TMEM38A: variants seen among roughly 807,000 people sequenced by gnomAD.
TMEM38A encodes transmembrane protein 38A, also known as trimeric intracellular cation channel type A.
Under a neutral mutation model 28.6 loss-of-function variants are expected in TMEM38A, and 17 were observed. That is an observed-to-expected ratio of 0.60 (90% CI 0.41 to 0.89). The LOEUF is 0.89. Among genes scored for constraint, TMEM38A ranks in the 40% least tolerant of loss-of-function variants. The pLI, the probability that TMEM38A is intolerant of heterozygous loss-of-function variation, is 0.00. For synonymous variants in TMEM38A, 169 were observed against 166.1 expected (o/e 1.02, Z -0.14); for missense variants, 328 against 393.1 (o/e 0.83, Z 1.40).
chr19:16,665,396 G>C (rs1052324130), intron 1 of TMEM38A, among the ~76,000 whole-genome samples: 2 of 151,912 alleles, frequency 1.3e-5, no homozygotes, highest in Admixed American at 1.3e-4. Context: ...AGCTGAGGTC[G>C]GAGGATTACC....
intron 1 of TMEM38A, among the ~76,000 whole-genome samples, chr19:16,670,453 T>G (rs1006065011): frequency 6.6e-6 from 1 of 152,096 alleles, no homozygotes; most frequent in Non-Finnish European, 1.5e-5. Context: ...GCAGAGCTGA[T>G]TTTTAAAAAA....
In TMEM38A at chr19:16,686,318, CCT is replaced by C. The variant is rs2086801756; in HGVS notation, c.588_589del (p.Phe197HisfsTer27). On this transcript the variant is annotated frameshift_variant, in exon 5 of 6. Transcript: ENST00000187762. LOFTEE classifies it high-confidence loss of function. ...CCAAGGCCAGCCTGTATGGAGCCAT[CCT>C]CTTCACCCTCCAGCAGACCCGCTGG... ...PTKASLYGAI[L>X]FTLQQTRWLP... 1 of 1,613,094 alleles carries C rather than the reference CCT, an allele frequency of 6.2e-7. No individual in the cohort carries two copies. The highest frequency in any genetic ancestry group is 1.3e-5 in the African/African-American group (1 of 75,018).
intron 1 of TMEM38A, among the ~76,000 whole-genome samples, chr19:16,668,040 C>T (rs543319218): frequency 1.6e-4 from 25 of 152,044 alleles, no homozygotes; most frequent in Non-Finnish European, 2.9e-4. Context: ...GAAACCCTGT[C>T]TCTACTAAAA....
intron 1 of TMEM38A, 109 bp from the exon 2 acceptor site, chr19:16,679,873 GCA>G: frequency 2.6e-6 from 3 of 1,172,868 alleles, no homozygotes; most frequent in Non-Finnish European, 3.5e-6. Context: ...CTTACAAACT[GCA>G]CAGTGTTGGG....
rs573703588 is a variant in TMEM38A at position 16,682,953 on chromosome 19, A to G, written c.554+445A>G. ...TCCAAGACCCAATGCAGGATCCCAC[A>G]CTGCATTTAGCTTAATGTTTTTTAT... On this transcript the variant is annotated intron_variant, in intron 4 of 5. Transcript: ENST00000187762. Among the ~76,000 whole-genome samples, 89 of 152,216 alleles carry G rather than the reference A, an allele frequency of 5.8e-4. 2 individuals are homozygous for G. The highest frequency in any genetic ancestry group is 8.8e-4 in the Non-Finnish European group (60 of 68,006).
intron 5 of TMEM38A, among the ~76,000 whole-genome samples, chr19:16,687,462 A>G (rs1026244210): frequency 6.6e-6 from 1 of 152,242 alleles, no homozygotes; most frequent in Non-Finnish European, 1.5e-5. Context: ...TGGAGGCTGC[A>G]GTGACCTGAG....
At chr19:16,672,341 G>GC (rs1206150223) in intron 1 of TMEM38A, among the ~76,000 whole-genome samples, 1 of 151,694 alleles carries the variant, frequency 6.6e-6, no homozygotes, top group Non-Finnish European at 1.5e-5. Flanking sequence ...CAATCTTTTG[G>GC]CTTCCCTGGG....
At chr19:16,671,346 C>A (rs2122581957) in intron 1 of TMEM38A, among the ~76,000 whole-genome samples, 1 of 151,682 alleles carries the variant, frequency 6.6e-6, no homozygotes, top group South Asian at 2.1e-4. Flanking sequence ...GGGATTATAG[C>A]CATCCGCCAC....
intron 1 of TMEM38A, among the ~76,000 whole-genome samples, chr19:16,675,650 G>A (rs563847878): frequency 4.4e-4 from 66 of 151,400 alleles, no homozygotes; most frequent in Non-Finnish European, 6.8e-4. Context: ...CCGGGTTGAA[G>A]CGATTCTCCT....
At chr19:16,675,747 C>A (rs2086748084) in intron 1 of TMEM38A, among the ~76,000 whole-genome samples, 1 of 151,476 alleles carries the variant, frequency 6.6e-6, no homozygotes, top group Non-Finnish European at 1.5e-5. Flanking sequence ...CAGGGTTTCA[C>A]CATATTGGCC....
intron 1 of TMEM38A, among the ~76,000 whole-genome samples, chr19:16,676,354 T>G (rs2086751458): frequency 6.6e-6 from 1 of 151,876 alleles, no homozygotes; most frequent in Admixed American, 6.6e-5. Flanking sequence ...AGACTCCATC[T>G]CAAACAAAAA....
intron 1 of TMEM38A, among the ~76,000 whole-genome samples, chr19:16,677,639 C>T (rs2086757923): frequency 6.6e-6 from 1 of 152,028 alleles, no homozygotes; most frequent in South Asian, 2.1e-4. Flanking sequence ...TCACTGCAGC[C>T]TCCACCTCAC....
intron 5 of TMEM38A, 142 bp downstream of exon 5, chr19:16,686,547 G>T: frequency 3.0e-6 from 2 of 658,916 alleles, no homozygotes; most frequent in Non-Finnish European, 2.7e-6. Context: ...TTGCCAGTAG[G>T]TCACTGGGAA....
At position 16,661,444 on chromosome 19, in the gene TMEM38A, G is replaced by A. The variant is rs1423647389; in HGVS notation, c.124+103G>A. On this transcript the variant is annotated intron_variant, in intron 1 of 5. Coordinates refer to ENST00000187762, the MANE Select transcript of TMEM38A (RefSeq NM_024074.4). The surrounding 1 kb of genome is among the most constrained non-coding windows in gnomAD (Gnocchi z 6.5). ...GAAGCCCGTGCGTGGTGGAGGGAGC[G>A]AGGGACAGGTTCAAGGATTGCATCG... 3.8e-6 allele frequency: 4 copies of A among 1,048,662 alleles called. No individual in the cohort carries two copies. The highest frequency in any genetic ancestry group is 6.0e-5 in the Admixed American group (2 of 33,074). 65.0% of individuals were successfully genotyped at this position (1,048,662 alleles called of 1,614,324 possible).
intron 1 of TMEM38A, among the ~76,000 whole-genome samples, chr19:16,663,751 T>C (rs1447150511): frequency 6.6e-6 from 1 of 151,646 alleles, no homozygotes; most frequent in Non-Finnish European, 1.5e-5. Context: ...TTAGCCAGGA[T>C]GGTCTCGATT....
In TMEM38A at chr19:16,680,098, A is replaced by G; in HGVS notation, c.239A>G (p.Tyr80Cys). ...CTCCTTGGGGAGCCACTGATCGATTACTTCAGCAACAACTCCAGCATCCTG... is the reference window on the plus strand; with the variant it reads ...CTCCTTGGGGAGCCACTGATCGATTGCTTCAGCAACAACTCCAGCATCCTG... ...DLLLGEPLIDYFSNNSSILLA... is the reference protein window; with the variant it reads ...DLLLGEPLIDCFSNNSSILLA... The change falls in exon 2 of 6, where the codon TAC (tyrosine) becomes TGC (cysteine). Residue 80 changes from tyrosine (Y) to cysteine (C), a missense_variant. Tyr to Cys is a radical substitution (Grantham distance 194). Coordinates refer to ENST00000187762, the MANE Select transcript of TMEM38A (RefSeq NM_024074.4). 1.2e-6 allele frequency: 2 copies of G among 1,610,868 alleles called. No homozygotes were observed. The highest frequency in any genetic ancestry group is 1.7e-6 in the Non-Finnish European group (2 of 1,180,016).
In TMEM38A at chr19:16,680,506, G is replaced by A. The variant is rs373193236; in HGVS notation, c.391G>A (p.Ala131Thr). Reference protein sequence around the residue: ...MKEVVRVRKIAVGIHHAHHHY... With the variant: ...MKEVVRVRKITVGIHHAHHHY... ...GGAGGTGGTGCGAGTCCGCAAGATC[G>A]CGGTGGGCATCCATCACGCCCATCA... Residue 131 changes from alanine to threonine, a missense_variant, in exon 3 of 6, where the codon GCG becomes ACG. Coordinates refer to ENST00000187762, the MANE Select transcript of TMEM38A (RefSeq NM_024074.4). 1.5e-5 allele frequency: 24 copies of A among 1,614,046 alleles called. No individual in the cohort carries two copies. Among genetic ancestry groups the A allele is most frequent in the Admixed American group, 6.7e-5 (4 of 59,974 alleles).
At chr19:16,662,058 G>T (rs2086684330) in intron 1 of TMEM38A, among the ~76,000 whole-genome samples, 1 of 152,258 alleles carries the variant, frequency 6.6e-6, no homozygotes, top group East Asian at 1.9e-4. Context: ...TTTTTAAAAT[G>T]AGGATGAATG....
chr19:16,666,434 AT>A (rs992737721), intron 1 of TMEM38A, among the ~76,000 whole-genome samples: 54 of 147,596 alleles, frequency 3.7e-4, no homozygotes, highest in Admixed American at 7.5e-4. Context: ...CTTTAAAAAA[AT>A]TTTTTTTTTT....
Sources: allele counts gnomAD v4.1 joint callset (sites outside exome capture counted in the v4.1 genomes callset), GRCh38; gene constraint gnomAD v4.1.1; non-coding constraint Gnocchi (gnomAD v3.1); transcripts MANE v1.5; gene names NCBI Gene and HGNC (gene_info 2026-07-23, HGNC 2026-07-21).